TC2N: variants seen among roughly 807,000 people sequenced by gnomAD.
TC2N encodes tandem C2 domains nuclear protein.
In TC2N, 51 loss-of-function variants were observed where a neutral mutation model predicts 61.9. That is an observed-to-expected ratio of 0.82 (90% CI 0.66 to 1.04). The LOEUF (loss-of-function observed/expected upper bound fraction) is 1.04. Ranked by LOEUF, TC2N falls within the 50% of genes least tolerant of loss-of-function variation. The probability of loss-of-function intolerance (pLI) is 0.00; values close to 1 mark genes in which losing one functional copy is unlikely to be tolerated. For synonymous variants in TC2N, 204 were observed against 192.6 expected (o/e 1.06, Z -0.49); for missense variants, 556 against 566.7 (o/e 0.98, Z 0.19).
chr14:91,838,528 C>A (rs117959454), intron 1 of TC2N, among the ~76,000 whole-genome samples: 2,022 of 152,270 alleles, frequency 0.013, 20 homozygotes, highest in South Asian at 0.038. Flanking sequence ...AGGGCAAGAC[C>A]ATAACTTTTA....
intron 1 of TC2N, among the ~76,000 whole-genome samples, chr14:91,861,947 T>C (rs1376207950): frequency 2.0e-5 from 3 of 151,386 alleles, no homozygotes; most frequent in Non-Finnish European, 4.4e-5. Context: ...TGTTTATATA[T>C]GTATATGTGT....
In TC2N at chr14:91,782,515, T is replaced by C. The variant is rs1337096096; in HGVS notation, c.*585A>G. 1 of 152,002 alleles carries C rather than the reference T, an allele frequency of 6.6e-6. No homozygotes were observed. Among genetic ancestry groups the C allele is most frequent in the African/African-American group, 2.4e-5 (1 of 41,446 alleles). 9.4% of individuals were successfully genotyped at this position (152,002 alleles called of 1,614,324 possible). A position where few individuals can be genotyped will look rare whatever the true frequency, so the allele number is the denominator to read the frequency against. ...CTGAAGTTTTTTGGAGATAAGTAGC[T>C]TACAAAGGGATAATGTGATGTCTTA... On this transcript the variant is annotated 3_prime_UTR_variant, in exon 12 of 12. Coordinates refer to ENST00000435962, the MANE Select transcript of TC2N (RefSeq NM_001128596.3).
chr14:91,823,482 T>C (rs944358905), intron 1 of TC2N, among the ~76,000 whole-genome samples: 32 of 150,292 alleles, frequency 2.1e-4, no homozygotes, highest in African/African-American at 7.2e-4. Context: ...ATCACGCCAT[T>C]GCACTCCAGA....
intron 1 of TC2N, among the ~76,000 whole-genome samples, chr14:91,835,470 T>C (rs1887957421): frequency 6.6e-6 from 1 of 152,240 alleles, no homozygotes; most frequent in Non-Finnish European, 1.5e-5. Context: ...AGAACTAGAA[T>C]AATATTTCAA....
intron 1 of TC2N, among the ~76,000 whole-genome samples, chr14:91,864,202 C>T (rs1041349386): frequency 6.6e-6 from 1 of 152,196 alleles, no homozygotes; most frequent in Non-Finnish European, 1.5e-5. Flanking sequence ...ACTTCCCTGG[C>T]TATTGTTTTA....
intron 1 of TC2N, among the ~76,000 whole-genome samples, chr14:91,824,682 G>A (rs1887412495): frequency 6.6e-6 from 1 of 152,278 alleles, no homozygotes; most frequent in East Asian, 1.9e-4. Flanking sequence ...AACAGAGGAG[G>A]GAGATAAACA....
At chr14:91,820,911 T>G (rs937744439) in intron 1 of TC2N, among the ~76,000 whole-genome samples, 1 of 152,022 alleles carries the variant, frequency 6.6e-6, no homozygotes, top group South Asian at 2.1e-4. Flanking sequence ...ACAAGACTTA[T>G]ACACTGCAAA....
At chr14:91,851,530 TGAA>T (rs1328799422) in intron 1 of TC2N, among the ~76,000 whole-genome samples, 1 of 152,182 alleles carries the variant, frequency 6.6e-6, no homozygotes, top group Admixed American at 6.5e-5. Flanking sequence ...AGCGTCGGAA[TGAA>T]GAAGGAAGTT....
chr14:91,829,930 T>C (rs1887676153), intron 1 of TC2N, among the ~76,000 whole-genome samples: 1 of 152,124 alleles, frequency 6.6e-6, no homozygotes, highest in Non-Finnish European at 1.5e-5. Flanking sequence ...GACAGACAAA[T>C]GGCCAATAAA....
chr14:91,836,649 G>GCGAGGCAAGGCGGGA (rs1888036418), intron 1 of TC2N: 1 of 152,118 alleles, frequency 6.6e-6, no homozygotes, highest in Non-Finnish European at 1.5e-5. Context: ...GCGGGGAGTG[G>GCGAGGCAAGGCGGGA]AGTGGCGCAG....
At chr14:91,793,456 T>C (rs1417687184) in intron 8 of TC2N, among the ~76,000 whole-genome samples, 1 of 152,218 alleles carries the variant, frequency 6.6e-6, no homozygotes, top group African/African-American at 2.4e-5. Context: ...TTTTTAAAAA[T>C]TGAAGGTTCG....
At chr14:91,800,049 CAACT>C (rs1218274587) in intron 5 of TC2N, among the ~76,000 whole-genome samples, 2 of 151,928 alleles carry the variant, frequency 1.3e-5, no homozygotes, top group Non-Finnish European at 2.9e-5. Context: ...GAGAGCATAC[CAACT>C]GAGATATAAA....
At chr14:91,865,939 TA>T (rs1324210439) in intron 1 of TC2N, among the ~76,000 whole-genome samples, 1 of 152,194 alleles carries the variant, frequency 6.6e-6, no homozygotes, top group African/African-American at 2.4e-5. Context: ...TTAAAGTTAT[TA>T]AAAAGTTATT....
chr14:91,788,799 T>A (rs1885488621), intron 9 of TC2N, among the ~76,000 whole-genome samples: 1 of 152,210 alleles, frequency 6.6e-6, no homozygotes, highest in African/African-American at 2.4e-5. Flanking sequence ...CAAACTCAAC[T>A]GTTGGAATTT....
At chr14:91,802,116 T>G (rs1461716812) in intron 4 of TC2N, 138 bp downstream of exon 4, 14 of 675,162 alleles carry the variant, frequency 2.1e-5, no homozygotes, top group Non-Finnish European at 2.9e-5. Context: ...TCATAACGTT[T>G]ATCACATTTA....
rs1885176398 is a variant in TC2N, at chr14:91,782,553, T to C, written c.*547A>G. ...ATGTGATGTCTTATGGGTAAAAAAA[T>C]TATAAAACACAGGGCACAAACTTTC... is the stretch of plus-strand genomic sequence containing the variant. On this transcript the variant is annotated 3_prime_UTR_variant, in exon 12 of 12. Coordinates refer to ENST00000435962, the MANE Select transcript of TC2N (RefSeq NM_001128596.3). 1 of 151,958 alleles carries C rather than the reference T, an allele frequency of 6.6e-6. No homozygotes were observed. The highest frequency in any genetic ancestry group is 2.4e-5 in the African/African-American group (1 of 41,424). 9.4% of individuals were successfully genotyped at this position (151,958 alleles called of 1,614,324 possible).
intron 1 of TC2N, among the ~76,000 whole-genome samples, chr14:91,817,877 C>T (rs1358815062): frequency 1.3e-5 from 2 of 152,052 alleles, no homozygotes; most frequent in African/African-American, 4.8e-5. Context: ...CAGTAATACA[C>T]TACAGGAAAG....
chr14:91,865,799 G>A (rs1888688286), intron 1 of TC2N, among the ~76,000 whole-genome samples: 1 of 152,006 alleles, frequency 6.6e-6, no homozygotes, highest in African/African-American at 2.4e-5. Context: ...ATAATTTTGT[G>A]GACCCTGCTA....
intron 3 of TC2N, among the ~76,000 whole-genome samples, chr14:91,805,329 T>A (rs1886459471): frequency 6.6e-6 from 1 of 152,216 alleles, no homozygotes; most frequent in South Asian, 2.1e-4. Flanking sequence ...ACTGTGTTTA[T>A]ATTTAAGCCA....
Sources: gnomAD v4.1 joint callset for allele counts (sites outside exome capture counted in the v4.1 genomes callset) on GRCh38, gnomAD v4.1.1 for gene constraint, MANE v1.5 for transcripts, NCBI Gene and HGNC (gene_info 2026-07-23, HGNC 2026-07-21) for gene names.